Variants in POLE observed in about 807,000 individuals in gnomAD.
The protein encoded by POLE is DNA polymerase epsilon, catalytic subunit.
POLE carries 188 observed loss-of-function variants against 279.2 expected under a neutral mutation model. The ratio of observed to expected loss-of-function variants is 0.67; its 90% CI spans 0.60 to 0.76. POLE has a LOEUF of 0.76. POLE is among the 30% of genes least tolerant of loss of function. The pLI is 0.00. For missense variants in POLE, 2,703 were observed against 3,016.7 expected, an observed-to-expected ratio of 0.90 and a Z score of 2.44; for synonymous variants, 1,214 against 1,172.5, an observed-to-expected ratio of 1.04 and a Z score of -0.72.
intron 32 of POLE, among the ~76,000 whole-genome samples, chr12:132,647,952 T>A (rs1593746012): frequency 6.6e-6 from 1 of 152,152 alleles, no homozygotes; most frequent in African/African-American, 2.4e-5. Flanking sequence ...CTGGCTGGAA[T>A]CGAGTTTCAC....
intron 45 of POLE, among the ~76,000 whole-genome samples, chr12:132,627,003 A>G (rs1196955364): frequency 2.6e-5 from 4 of 152,218 alleles, no homozygotes; most frequent in Non-Finnish European, 5.9e-5. Context: ...AAGTTACGTG[A>G]TTTGTGGTGG....
In POLE at chr12:132,624,938, G is replaced by C. The variant is rs200082120; in HGVS notation, c.6714C>G (p.Cys2238Trp). The change falls in exon 48 of 49, where the codon TGC becomes TGG. Residue 2238 changes from cysteine (C) to tryptophan (W), a missense_variant. Transcript: ENST00000320574. ...KETSMPVYCS[C>W]AGDFALTIHT... ...GGATGGTGAGGGCGAAGTCTCCCGC[G>C]CAGCTGCAGTACACAGGCATGCTGG... The C allele has an allele frequency of 6.2e-7, 1 of 1,613,940 alleles. No homozygotes were observed. Among genetic ancestry groups the C allele is most frequent in the African/African-American group, 1.3e-5 (1 of 74,926 alleles).
chr12:132,664,534 G>T lies in POLE; in HGVS notation c.2469-72C>A. 1 of 1,131,764 alleles carries T rather than the reference G, an allele frequency of 8.8e-7. No homozygotes were observed. The highest frequency in any genetic ancestry group is 1.3e-6 in the Non-Finnish European group (1 of 750,172). The allele number at this position is 1,131,764 out of a possible 1,614,324, so 70.1% of individuals were successfully genotyped here. A position where few individuals can be genotyped will look rare whatever the true frequency, so the allele number is the denominator to read the frequency against. On this transcript the variant is annotated intron_variant, in intron 21 of 48. Transcript: ENST00000320574. The surrounding 1 kb of genome is among the most constrained non-coding windows in gnomAD (Gnocchi z 5.3). ...CAGGGGGTATCAGAGGCAGTGAGGAGTAGGGAGGAGGAAAGGAGAGATGCG... is the reference window on the plus strand; with the variant it reads ...CAGGGGGTATCAGAGGCAGTGAGGATTAGGGAGGAGGAAAGGAGAGATGCG...
At position 132,633,089 on chromosome 12, in the gene POLE, A is replaced by G. The variant is rs530572221; in HGVS notation, c.6005-294T>C. 15 of 238,450 alleles carry G rather than the reference A, an allele frequency of 6.3e-5. No individual in the cohort carries two copies. The East Asian group carries it at 1.3e-3, about 21-fold the overall frequency. 14.8% of individuals were successfully genotyped at this position (238,450 alleles called of 1,614,324 possible). On this transcript the variant is annotated intron_variant, in intron 43 of 48. Coordinates refer to ENST00000320574, the MANE Select transcript of POLE (RefSeq NM_006231.4). Reference sequence around the variant, plus strand: ...GCGCGTGAAAGACAGCTCCCAACACAAGCAAAGGCAGGGCCCCTGGCATCA... The same window carrying G: ...GCGCGTGAAAGACAGCTCCCAACACGAGCAAAGGCAGGGCCCCTGGCATCA...
At position 132,661,177 on chromosome 12, in the gene POLE, A is replaced by G; in HGVS notation, c.2865-13T>C. ...GAACACAGCATACCTGAAAAAAAAA[A>G]AAAAGGCAAGCACAGCAGTGGCAAG... On this transcript the variant is annotated splice_polypyrimidine_tract_variant and intron_variant, in intron 24 of 48. Transcript: ENST00000320574. This position sits in a 1 kb window ranked among gnomAD's most constrained non-coding sequence, Gnocchi z 4.1. The G allele has an allele frequency of 1.3e-6, 2 of 1,582,844 alleles. No homozygotes were observed. Among genetic ancestry groups the G allele is most frequent in the Non-Finnish European group, 8.6e-7 (1 of 1,168,408 alleles).
Position 132,657,209 on chromosome 12 carries a change from T to C in POLE, c.3509A>G (p.Lys1170Arg). 1 of 1,613,842 alleles carries C rather than the reference T, an allele frequency of 6.2e-7. No homozygotes were observed. Among genetic ancestry groups the C allele is most frequent in the Non-Finnish European group, 8.5e-7 (1 of 1,179,908 alleles). Reference protein sequence around the residue: ...RVKHPDWLHKKLLEKNDVYKQ... With the variant: ...RVKHPDWLHKRLLEKNDVYKQ... ...GTAGACATCATTCTTCTCCAGCAGT[T>C]TTTTGTGCAGCCAGTCGGGGTGTTT... is the stretch of plus-strand genomic sequence containing the variant. Residue 1170 changes from lysine to arginine, a missense_variant, in exon 29 of 49, where the codon AAA becomes AGA. Lys to Arg is a conservative substitution (Grantham distance 26). Around this residue, in one of 5 missense-constraint regions of POLE, gnomAD observed 1,551 missense variants for 1,686.1 expected, o/e 0.92. Transcript: ENST00000320574.
intron 12 of POLE, 71 bp from the exon 13 acceptor site, chr12:132,673,778 A>C: frequency 6.3e-7 from 1 of 1,577,174 alleles, no homozygotes. Flanking sequence ...AGAACTGGCA[A>C]AACTGGGCAC....
rs546982080 is a variant in POLE, at chr12:132,624,958, T to C, written c.6694A>G (p.Met2232Val). 2 of 1,614,040 alleles carry C rather than the reference T, an allele frequency of 1.2e-6. No individual in the cohort carries two copies. Among genetic ancestry groups the C allele is most frequent in the South Asian group, 1.1e-5 (1 of 91,084 alleles). The part of the protein sequence containing the change: ...LKCRGVKETS[M>V]PVYCSCAGDF... ...CCCGCGCAGCTGCAGTACACAGGCA[T>C]GCTGGTCTCCTTCACCCCGCGGCAC... The change falls in exon 48 of 49, where the codon ATG (methionine) becomes GTG (valine). Residue 2232 changes from methionine (M) to valine (V), a missense_variant. Coordinates refer to ENST00000320574, the MANE Select transcript of POLE (RefSeq NM_006231.4).
At chr12:132,665,002 G>C (rs2042759807) in intron 21 of POLE, among the ~76,000 whole-genome samples, 1 of 152,012 alleles carries the variant, frequency 6.6e-6, no homozygotes, top group Admixed American at 6.6e-5. Flanking sequence ...CCCTGAGTGA[G>C]GATCCACGCT....
intron 25 of POLE, chr12:132,659,923 C>T (rs747775040): frequency 6.1e-5 from 12 of 198,124 alleles, no homozygotes; most frequent in Admixed American, 1.6e-4. Context: ...AACTCCTGAC[C>T]TCAAGTGGTC....
intron 1 of POLE, among the ~76,000 whole-genome samples, chr12:132,682,311 A>AATAAATAAATAAAT (rs61693359): frequency 2.3e-4 from 17 of 74,466 alleles, no homozygotes; most frequent in African/African-American, 3.9e-4. Context: ...AAAATAAATA[A>AATAAATAAATAAAT]AAATAAATAA....
At chr12:132,644,851 T>C (rs1432238532) in intron 32 of POLE, among the ~76,000 whole-genome samples, 1 of 13,336 alleles carries the variant, frequency 7.5e-5, no homozygotes, top group South Asian at 6.3e-3. Context: ...CCTGGGGGGG[T>C]CTGGGAGAGC....
Position 132,667,605 on chromosome 12 carries a change from C to T in POLE, c.2217G>A (p.Val739=), listed in dbSNP as rs374750963. 20 of 1,614,064 alleles carry T rather than the reference C, an allele frequency of 1.2e-5. No homozygotes were observed. The highest frequency in any genetic ancestry group is 1.5e-5 in the Non-Finnish European group (18 of 1,180,030). The change falls in exon 20 of 49, where the codon GTG becomes GTA. Residue 739 remains valine (V), a synonymous_variant. Transcript: ENST00000320574. ...KAYKKIHITK[V]EERLTTICQR... ...GGCAGATGGTGGTGAGACGCTCTTC[C>T]ACCTTGGTGATGTGGATCTTCTTGT...
intron 1 of POLE, among the ~76,000 whole-genome samples, chr12:132,682,563 G>C (rs2043192729): frequency 6.6e-6 from 1 of 152,084 alleles, no homozygotes; most frequent in Non-Finnish European, 1.5e-5. Context: ...TGTGACAATT[G>C]TACTCTACTT....
intron 1 of POLE, among the ~76,000 whole-genome samples, chr12:132,686,141 T>C (rs1350902977): frequency 6.6e-6 from 1 of 152,004 alleles, no homozygotes; most frequent in African/African-American, 2.4e-5. Context: ...CCTCCCAAAG[T>C]GCTGGGATTA....
intron 3 of POLE, 147 bp downstream of exon 3, chr12:132,680,460 G>T: frequency 1.4e-6 from 1 of 694,828 alleles, no homozygotes; most frequent in Non-Finnish European, 2.5e-6. Context: ...CATCTTACGT[G>T]ATGACTGATG....
At chr12:132,652,455 G>C (rs2042444322) in intron 29 of POLE, among the ~76,000 whole-genome samples, 1 of 151,570 alleles carries the variant, frequency 6.6e-6, no homozygotes, top group East Asian at 1.9e-4. Flanking sequence ...CCAAGTAGCT[G>C]GGACTACAGG....
Position 132,642,962 on chromosome 12 carries a change from A to G in POLE, c.4586T>C (p.Leu1529Pro), listed in dbSNP as rs2138542577. The stretch of plus-strand genomic sequence containing the variant: ...GAGGAGGCCGTGCTCTGCTGAGTAC[A>G]GGGCGCCAAGGCTGGGCATCTGGTT... ...RSNQMPSLGALYSAEHGLLLE... is the reference protein window; with the variant it reads ...RSNQMPSLGAPYSAEHGLLLE... Residue 1529 changes from leucine to proline, a missense_variant, in exon 36 of 49, where the codon CTG becomes CCG. This residue lies in a region of POLE where 1,551 missense variants were observed against 1,686.1 expected (regional missense o/e 0.92). Transcript: ENST00000320574. 6.2e-7 allele frequency: 1 copy of G among 1,600,390 alleles called. No individual in the cohort carries two copies. The highest frequency in any genetic ancestry group is 1.1e-5 in the South Asian group (1 of 88,988).
At chr12:132,657,481 G>C in intron 27 of POLE, 52 bp from the exon 28 acceptor site, 1 of 1,474,586 alleles carries the variant, frequency 6.8e-7, no homozygotes, top group East Asian at 2.3e-5. Context: ...GCAGCCAAGA[G>C]TGGGGCTCAC....
Sources: gnomAD v4.1 joint callset for allele counts (sites outside exome capture counted in the v4.1 genomes callset) on GRCh38, gnomAD v4.1.1 for gene constraint, gnomAD v4.1.1 regional missense constraint, Gnocchi (gnomAD v3.1) non-coding constraint, MANE v1.5 for transcripts, NCBI Gene and HGNC (gene_info 2026-07-23, HGNC 2026-07-21) for gene names.